Variants in SCN10A observed in about 807,000 individuals in gnomAD.
SCN10A encodes sodium voltage-gated channel alpha subunit 10.
Under a neutral mutation model 170.7 loss-of-function variants are expected in SCN10A, and 162 were observed. The ratio of observed to expected loss-of-function variants is 0.95; its 90% confidence interval spans 0.84 to 1.08. SCN10A has a LOEUF of 1.08. SCN10A is among the 50% of genes least tolerant of loss of function. SCN10A has a pLI of 0.00. For synonymous variants in SCN10A, 985 were observed against 904.6 expected (o/e 1.09, Z -1.59); for missense variants, 2,527 against 2,436.9 (o/e 1.04, Z -0.78).
chr3:38,784,660 G>A (rs937238189), intron 4 of SCN10A, among the ~76,000 whole-genome samples: 1 of 151,972 alleles, frequency 6.6e-6, no homozygotes, highest in Non-Finnish European at 1.5e-5. Context: ...AGAAATAAGG[G>A]GTATTCAAAT....
At chr3:38,715,422 A>T (rs2063324663) in intron 21 of SCN10A, among the ~76,000 whole-genome samples, 1 of 152,014 alleles carries the variant, frequency 6.6e-6, no homozygotes, top group Admixed American at 6.6e-5. Context: ...TTACTCCCAA[A>T]CATCACTGGT....
chr3:38,718,371 G>A (rs1341936586), intron 21 of SCN10A, among the ~76,000 whole-genome samples: 1 of 152,182 alleles, frequency 6.6e-6, no homozygotes, highest in Non-Finnish European at 1.5e-5. Context: ...AGCTGCATGT[G>A]TCATCTCACT....
rs2064472610 is a variant in SCN10A, at chr3:38,815,819, T to A, written c.-33+218A>T. 2.0e-5 allele frequency among the ~76,000 whole-genome samples: 3 copies of A among 152,234 alleles called. No individual in the cohort carries two copies. The South Asian group carries it at 6.2e-4, about 32-fold the overall frequency. ...GGATTTAGCTATATTTTCACCCTTA[T>A]CCTTCAGAGGAAGAGATGCAGTGGG... is the stretch of plus-strand genomic sequence containing the variant. On this transcript the variant is annotated intron_variant, in intron 1 of 27. Coordinates refer to ENST00000449082, the MANE Select transcript of SCN10A (RefSeq NM_006514.4).
chr3:38,714,468 T>C (rs2125991513), intron 21 of SCN10A, among the ~76,000 whole-genome samples: 1 of 152,306 alleles, frequency 6.6e-6, no homozygotes, highest in East Asian at 1.9e-4. Context: ...CTAGGGGCTA[T>C]GCTGAGAGTC....
At chr3:38,790,151 G>A (rs962274413) in intron 3 of SCN10A, among the ~76,000 whole-genome samples, 1 of 151,772 alleles carries the variant, frequency 6.6e-6, no homozygotes, top group Admixed American at 6.6e-5. Flanking sequence ...GTTAATCCAA[G>A]GATTAAACTA....
chr3:38,737,626 T>C (rs957267393), intron 15 of SCN10A, among the ~76,000 whole-genome samples: 1 of 152,126 alleles, frequency 6.6e-6, no homozygotes, highest in Non-Finnish European at 1.5e-5. Context: ...TTTTAAAAAC[T>C]GGATTAGTAG....
At chr3:38,726,372 C>G (rs2063454546) in intron 17 of SCN10A, among the ~76,000 whole-genome samples, 1 of 152,202 alleles carries the variant, frequency 6.6e-6, no homozygotes, top group Non-Finnish European at 1.5e-5. Context: ...AATCCCCAAG[C>G]ACCTCAAGGT....
At chr3:38,792,387 A>T (rs566604715) in intron 2 of SCN10A, among the ~76,000 whole-genome samples, 1 of 152,276 alleles carries the variant, frequency 6.6e-6, no homozygotes, top group South Asian at 2.1e-4. Flanking sequence ...CATCTCTGGG[A>T]CTGACAGTGC....
intron 4 of SCN10A, among the ~76,000 whole-genome samples, chr3:38,783,138 A>G (rs192761449): frequency 4.6e-5 from 7 of 152,126 alleles, no homozygotes; most frequent in African/African-American, 1.2e-4. Flanking sequence ...ATTTAACCCA[A>G]TCACCTCCTT....
intron 20 of SCN10A, among the ~76,000 whole-genome samples, chr3:38,721,805 G>A (rs766837720): frequency 1.1e-4 from 16 of 152,234 alleles, no homozygotes; most frequent in Non-Finnish European, 2.4e-4. Flanking sequence ...GTAGCATTTG[G>A]AAGTGGTTTG....
Position 38,792,112 on chromosome 3 carries a change from G to T in SCN10A, c.327C>A (p.Ala109=), listed in dbSNP as rs902883907. 1.2e-6 allele frequency: 2 copies of T among 1,613,732 alleles called. No individual in the cohort carries two copies. The highest frequency in any genetic ancestry group is 1.7e-6 in the Non-Finnish European group (2 of 1,179,840). Residue 109 remains alanine (A), a synonymous_variant, in exon 3 of 28, where the codon GCC becomes GCA. Transcript: ENST00000449082. ...GGTTGAAAGGACTGAATAGCCACAG[G>T]GCCCGAGTGGCACTAAACCGGGAAA... ...RTISRFSATR[A]LWLFSPFNLI... is the part of the protein sequence containing the mutation.
chr3:38,706,390 A>G (rs1489332960), intron 26 of SCN10A, among the ~76,000 whole-genome samples: 1 of 152,216 alleles, frequency 6.6e-6, no homozygotes, highest in Non-Finnish European at 1.5e-5. Flanking sequence ...GTCATCAGCA[A>G]TACCTGTGAT....
intron 16 of SCN10A, among the ~76,000 whole-genome samples, chr3:38,727,411 G>A (rs1203841449): frequency 6.6e-6 from 1 of 152,300 alleles, no homozygotes; most frequent in East Asian, 1.9e-4. Flanking sequence ...TGGAATCCTG[G>A]GCACATCTTG....
intron 11 of SCN10A, among the ~76,000 whole-genome samples, chr3:38,754,543 G>A (rs2063782665): frequency 6.6e-6 from 1 of 152,168 alleles, no homozygotes; most frequent in Non-Finnish European, 1.5e-5. Context: ...ACAGAATGGG[G>A]GAAATTAAAG....
Position 38,755,818 on chromosome 3 carries a change from G to T in SCN10A, c.1431C>A (p.Pro477=), listed in dbSNP as rs773584404. 1 of 1,613,860 alleles carries T rather than the reference G, an allele frequency of 6.2e-7. No homozygotes were observed. The highest frequency in any genetic ancestry group is 1.1e-5 in the South Asian group (1 of 91,066). Residue 477 remains proline (P), a synonymous_variant, in exon 11 of 28, where the codon CCC becomes CCA. Transcript: ENST00000449082. ...TGCGCTGGTTGTAAGGATCAGAGCG[G>T]GGTGATTTGTTGTCTTCTGTGGAGC... ...SEGSTEDNKS[P]RSDPYNQRRM... is the part of the protein sequence containing the mutation.
At chr3:38,814,702 C>T (rs955576549) in intron 1 of SCN10A, among the ~76,000 whole-genome samples, 2 of 152,128 alleles carry the variant, frequency 1.3e-5, no homozygotes, top group Non-Finnish European at 2.9e-5. Flanking sequence ...TTTATATGCT[C>T]ATTTATTATT....
chr3:38,793,661 A>C lies in SCN10A; in HGVS notation c.270+80T>G, dbSNP rs543690232. ...CAGACTGCCACATCACCCAGGGCCAAGGAGGACTTTCTGGGCTGGGTGGGA... is the reference window on the plus strand; with the variant it reads ...CAGACTGCCACATCACCCAGGGCCACGGAGGACTTTCTGGGCTGGGTGGGA... On this transcript the variant is annotated intron_variant, in intron 2 of 27. Coordinates refer to ENST00000449082, the MANE Select transcript of SCN10A (RefSeq NM_006514.4). 2.2e-5 allele frequency: 33 copies of C among 1,483,556 alleles called. 1 individual carries two copies. The South Asian group carries it at 2.7e-4, about 12-fold the overall frequency. 91.9% of individuals were successfully genotyped at this position (1,483,556 alleles called of 1,614,324 possible). A position where few individuals can be genotyped will look rare whatever the true frequency, so the allele number is the denominator to read the frequency against.
intron 27 of SCN10A, among the ~76,000 whole-genome samples, chr3:38,700,675 C>T (rs182390557): frequency 5.8e-4 from 88 of 152,242 alleles, no homozygotes; most frequent in African/African-American, 1.8e-3. Context: ...CTGAAATCCC[C>T]GGAAATACAC....
intron 4 of SCN10A, among the ~76,000 whole-genome samples, chr3:38,775,961 T>G (rs1051298953): frequency 1.3e-5 from 2 of 152,100 alleles, no homozygotes; most frequent in Non-Finnish European, 2.9e-5. Context: ...ACATAAAATT[T>G]TCACAATTTT....
Sources: gnomAD v4.1 joint callset for allele counts (sites outside exome capture counted in the v4.1 genomes callset) on GRCh38, gnomAD v4.1.1 for gene constraint, MANE v1.5 for transcripts, NCBI Gene and HGNC (gene_info 2026-07-23, HGNC 2026-07-21) for gene names.